The following N4BP2L1 variants were observed in gnomAD, a reference collection of about 807,000 sequenced individuals.
N4BP2L1 encodes NEDD4-binding protein 2-like 1.
Under a neutral mutation model 21.2 loss-of-function variants are expected in N4BP2L1, and 12 were observed. That is an observed-to-expected ratio of 0.57 (90% CI 0.36 to 0.92). The LOEUF (loss-of-function observed/expected upper bound fraction) is 0.92, where lower values mean the gene tolerates loss of function less well. Among genes scored for constraint, N4BP2L1 ranks in the 40% least tolerant of loss-of-function variants. The pLI is 0.01. For synonymous variants in N4BP2L1, 104 were observed against 112.8 expected (o/e 0.92, Z 0.49); for missense variants, 259 against 310.6 (o/e 0.83, Z 1.25).
At chr13:32,411,324 ATTTT>A (rs3072043) in intron 1 of N4BP2L1, among the ~76,000 whole-genome samples, 22,832 of 140,996 alleles carry the variant, frequency 0.16, 1,911 homozygotes, top group East Asian at 0.41. Flanking sequence ...AAGGCCAAGG[ATTTT>A]TTTTTTTTTT....
At chr13:32,429,608 C>T (rs1415815737), upstream of N4BP2L1, among the ~76,000 whole-genome samples, 8 of 152,278 alleles carry the variant, frequency 5.3e-5, no homozygotes, top group East Asian at 1.9e-4. Context: ...TGCCCGGGCC[C>T]GGTGCAGTGG....
At chr13:32,404,055 A>C (rs979829644) in intron 4 of N4BP2L1, 73 of 1,117,756 alleles carry the variant, frequency 6.5e-5, no homozygotes, top group Non-Finnish European at 8.4e-5. Flanking sequence ...TTCCTTGATG[A>C]AGAAGCATTT....
At chr13:32,414,435 G>A (rs568500542) in intron 1 of N4BP2L1, among the ~76,000 whole-genome samples, 1 of 152,220 alleles carries the variant, frequency 6.6e-6, no homozygotes, top group East Asian at 1.9e-4. Flanking sequence ...GCACTTTCAC[G>A]TCCTTTGGTG....
At chr13:32,403,244 A>G (rs376865999) in intron 4 of N4BP2L1, 44 bp from the exon 5 acceptor site, 1 of 1,539,472 alleles carries the variant, frequency 6.5e-7, no homozygotes, top group African/African-American at 1.4e-5. Context: ...GGATACCACA[A>G]TGAGTTACTT....
chr13:32,419,327 C>T, intron 1 of N4BP2L1: 1 of 412,492 alleles, frequency 2.4e-6, no homozygotes, highest in Non-Finnish European at 4.7e-6. Flanking sequence ...CTCACTGCAA[C>T]CTACATCTCT....
intron 3 of N4BP2L1, 169 bp downstream of exon 3, chr13:32,407,081 A>C (rs552764275): frequency 1.6e-6 from 1 of 642,810 alleles, no homozygotes; most frequent in African/African-American, 1.8e-5. Flanking sequence ...AACTTCAGCC[A>C]TTGAACAGCA....
intron 1 of N4BP2L1, among the ~76,000 whole-genome samples, chr13:32,417,644 G>A (rs2074225049): frequency 6.6e-6 from 1 of 152,172 alleles, no homozygotes; most frequent in African/African-American, 2.4e-5. Context: ...TTTGGAACTG[G>A]GTAACAGGCA....
intron 1 of N4BP2L1, among the ~76,000 whole-genome samples, chr13:32,422,494 C>A (rs2074539095): frequency 6.6e-6 from 1 of 152,162 alleles, no homozygotes; most frequent in Non-Finnish European, 1.5e-5. Context: ...GTATTCTTCC[C>A]CTATTCTTCC....
At chr13:32,421,981 T>C (rs975065972) in intron 1 of N4BP2L1, among the ~76,000 whole-genome samples, 3 of 152,156 alleles carry the variant, frequency 2.0e-5, no homozygotes, top group Admixed American at 1.3e-4. Context: ...TCCTAACATG[T>C]GAGCAGATGA....
intron 1 of N4BP2L1, among the ~76,000 whole-genome samples, chr13:32,409,152 G>A (rs1457587103): frequency 2.0e-5 from 3 of 152,170 alleles, no homozygotes. Flanking sequence ...AGTAGTCCTT[G>A]AGATACTGCG....
At chr13:32,404,212 C>T in intron 4 of N4BP2L1, 109 bp downstream of exon 4, 1 of 1,600,302 alleles carries the variant, frequency 6.2e-7, no homozygotes, top group East Asian at 2.2e-5. Context: ...CCATTTCTGG[C>T]CTGAAAACTA....
At chr13:32,414,127 C>T (rs543970033) in intron 1 of N4BP2L1, among the ~76,000 whole-genome samples, 1 of 152,244 alleles carries the variant, frequency 6.6e-6, no homozygotes, top group African/African-American at 2.4e-5. Flanking sequence ...GGTGATCCAC[C>T]CGCCTAGGCC....
Position 32,401,866 on chromosome 13 carries a change from T to C in N4BP2L1, c.*1076A>G. The C allele has an allele frequency of 2.1e-6, 2 of 946,850 alleles. No individual in the cohort carries two copies. Among genetic ancestry groups the C allele is most frequent in the East Asian group, 1.2e-4 (1 of 8,638 alleles). The allele number at this position is 946,850 out of a possible 1,614,324, so 58.7% of individuals were successfully genotyped here. ...ATAGAGCATACGTCCTCTGTGGTCT[T>C]GTCTATCATGATCTCACATTAAATC... On this transcript the variant is annotated 3_prime_UTR_variant, in exon 5 of 5. Coordinates refer to ENST00000380130, the MANE Select transcript of N4BP2L1 (RefSeq NM_052818.3).
chr13:32,409,706 GT>G (rs1313801277), intron 1 of N4BP2L1, among the ~76,000 whole-genome samples: 2 of 152,140 alleles, frequency 1.3e-5, no homozygotes, highest in African/African-American at 4.8e-5. Context: ...ATGCAAAGGA[GT>G]GATGCAAGTT....
intron 1 of N4BP2L1, chr13:32,411,960 T>C (rs1171283000): frequency 6.2e-6 from 1 of 160,110 alleles, no homozygotes; most frequent in Admixed American, 6.5e-5. Flanking sequence ...GTTATCAACA[T>C]ATGGCCAGTC....
At chr13:32,426,720 G>T (rs920655004) in intron 1 of N4BP2L1, among the ~76,000 whole-genome samples, 1 of 152,136 alleles carries the variant, frequency 6.6e-6, no homozygotes, top group Non-Finnish European at 1.5e-5. Context: ...GCCCTTTGAG[G>T]GAAAGGGACC....
At chr13:32,428,294 CG>C (rs2074913883), upstream of N4BP2L1, 1 of 406,838 alleles carries the variant, frequency 2.5e-6, no homozygotes, top group African/African-American at 2.1e-5. Context: ...ACTCACAGCC[CG>C]GAAAACAAGG....
chr13:32,428,059 A>G lies in N4BP2L1; in HGVS notation c.24T>C (p.Ser8=), dbSNP rs775239048. The G allele has an allele frequency of 6.7e-7, 1 of 1,498,314 alleles. No individual in the cohort carries two copies. Among genetic ancestry groups the G allele is most frequent in the East Asian group, 2.6e-5 (1 of 37,792 alleles). The allele number at this position is 1,498,314 out of a possible 1,614,324, so 92.8% of individuals were successfully genotyped here. Residue 8 remains serine (S), a synonymous_variant, in exon 1 of 5, where the codon TCT becomes TCC. Transcript: ENST00000380130. ...GGGGCTGGAGGCTCAGCCTCCCAAAAGATTGAAGGAAACTGTCCTCCATGG... is the reference window on the plus strand; with the variant it reads ...GGGGCTGGAGGCTCAGCCTCCCAAAGGATTGAAGGAAACTGTCCTCCATGG... MEDSFLQ[S]FGRLSLQPQQ... is the part of the protein sequence containing the mutation.
chr13:32,414,175 C>T (rs548731578), intron 1 of N4BP2L1, among the ~76,000 whole-genome samples: 2 of 152,294 alleles, frequency 1.3e-5, no homozygotes, highest in Admixed American at 6.5e-5. Flanking sequence ...AGCCACTGTG[C>T]CCGGCCTAAC....
Sources: gnomAD v4.1 joint callset for allele counts (sites outside exome capture counted in the v4.1 genomes callset) on GRCh38, gnomAD v4.1.1 for gene constraint, MANE v1.5 for transcripts, NCBI Gene and HGNC (gene_info 2026-07-23, HGNC 2026-07-21) for gene names.